The following RASGRP1 variants were observed in gnomAD, a reference collection of about 807,000 sequenced individuals.
The protein encoded by RASGRP1 is RAS guanyl-releasing protein 1.
RASGRP1 carries 37 observed loss-of-function variants against 95.1 expected under a neutral mutation model. The ratio of observed to expected loss-of-function variants is 0.39; its 90% CI spans 0.30 to 0.51. The LOEUF is 0.51. Among genes scored for constraint, RASGRP1 ranks in the 20% least tolerant of loss-of-function variants. The pLI, the probability that RASGRP1 is intolerant of heterozygous loss-of-function variation, is 0.80. For missense variants in RASGRP1, 711 were observed against 965.4 expected (o/e 0.74, Z 3.49); for synonymous variants, 325 against 353.4 (o/e 0.92, Z 0.90).
At chr15:38,554,238 T>A (rs1893457113) in intron 2 of RASGRP1, among the ~76,000 whole-genome samples, 1 of 152,146 alleles carries the variant, frequency 6.6e-6, no homozygotes. Flanking sequence ...TTTCCACAGG[T>A]CATTTAACTT....
intron 2 of RASGRP1, among the ~76,000 whole-genome samples, chr15:38,555,143 C>A (rs540225409): frequency 3.2e-4 from 48 of 152,328 alleles, no homozygotes; most frequent in African/African-American, 1.1e-3. Context: ...TTGCGGCTCC[C>A]ATTTTGAAAA....
chr15:38,509,506 C>T (rs1392858166), intron 8 of RASGRP1, among the ~76,000 whole-genome samples: 1 of 152,124 alleles, frequency 6.6e-6, no homozygotes, highest in East Asian at 1.9e-4. Context: ...GTGGACGGAT[C>T]ACCTGAGGTC....
chr15:38,539,678 G>A (rs1467570544), intron 2 of RASGRP1, among the ~76,000 whole-genome samples: 6 of 151,262 alleles, frequency 4.0e-5, no homozygotes, highest in South Asian at 4.2e-4. Context: ...CCACTAACTC[G>A]TCATCTAGCA....
At chr15:38,516,374 G>A (rs532071212) in intron 5 of RASGRP1, 24 bp from the exon 6 acceptor site, 1 of 1,598,862 alleles carries the variant, frequency 6.3e-7, no homozygotes, top group South Asian at 1.1e-5. Flanking sequence ...ATGTGAAAGG[G>A]AGAAGACAGG....
Position 38,523,520 on chromosome 15 carries a change from GAAGA to G in RASGRP1, c.326+2775_326+2778del, listed in dbSNP as rs541646722. Among the ~76,000 whole-genome samples, 298 of 152,136 alleles carry G rather than the reference GAAGA, an allele frequency of 2.0e-3. 1 individual carries two copies. Among genetic ancestry groups the G allele is most frequent in the African/African-American group, 6.2e-3 (259 of 41,510 alleles). ...AGTCACAGTAAGCTAAATTATTATT[GAAGA>G]AAGAAAAATATTTTTTATCAATTTA... On this transcript the variant is annotated intron_variant, in intron 3 of 16. Transcript: ENST00000310803.
rs780975470 is a variant in RASGRP1 at position 38,499,055 on chromosome 15, T to G, written c.1721-109A>C. 2.1e-6 allele frequency: 3 copies of G among 1,428,708 alleles called. No homozygotes were observed. The Admixed American group carries it at 5.0e-5, about 24-fold the overall frequency. The allele number at this position is 1,428,708 out of a possible 1,614,324, so 88.5% of individuals were successfully genotyped here. On this transcript the variant is annotated intron_variant, in intron 14 of 16. Transcript: ENST00000310803. ...TTTCTTGTCACACATGTCTGTTCTA[T>G]CTTCTGGAGCTAAGACACTTAACAT... is the stretch of plus-strand genomic sequence containing the variant.
At chr15:38,542,882 T>TATATGTGTATATATAC (rs1892948767) in intron 2 of RASGRP1, among the ~76,000 whole-genome samples, 1 of 134,622 alleles carries the variant, frequency 7.4e-6, no homozygotes, top group African/African-American at 3.1e-5. Flanking sequence ...TGTATATATA[T>TATATGTGTATATATAC]ACACATATAT....
rs1890714526 is a variant in RASGRP1 at position 38,494,374 on chromosome 15, G to A, written c.2259+8C>T. 6.2e-7 allele frequency: 1 copy of A among 1,613,450 alleles called. No individual in the cohort carries two copies. The highest frequency in any genetic ancestry group is 1.3e-5 in the African/African-American group (1 of 74,920). On this transcript the variant is annotated splice_region_variant and intron_variant, in intron 16 of 16. Coordinates refer to ENST00000310803, the MANE Select transcript of RASGRP1 (RefSeq NM_005739.4). Reference sequence around the variant, plus strand: ...GTCTGAAAAAAAGGAAAATGAAAAGGAAGGTACCTGTTCCAGTTCTTGGTA... The same window carrying A: ...GTCTGAAAAAAAGGAAAATGAAAAGAAAGGTACCTGTTCCAGTTCTTGGTA...
chr15:38,532,905 G>T (rs1456486730), intron 2 of RASGRP1, among the ~76,000 whole-genome samples: 2 of 152,132 alleles, frequency 1.3e-5, no homozygotes, highest in African/African-American at 4.8e-5. Flanking sequence ...AGAGAAAACT[G>T]GCAAAGGGTG....
chr15:38,549,375 C>CT (rs1893238794), intron 2 of RASGRP1, among the ~76,000 whole-genome samples: 1 of 152,220 alleles, frequency 6.6e-6, no homozygotes, highest in Non-Finnish European at 1.5e-5. Context: ...GCAAGATAGA[C>CT]TCATAGATGA....
chr15:38,518,273 T>A lies in RASGRP1; in HGVS notation c.521+19A>T. Reference sequence around the variant, plus strand: ...GAGGGAGGTGGTTTCGAAAGATGAGTCAAGACCTTGACACTCACATTTGAG... The same window carrying A: ...GAGGGAGGTGGTTTCGAAAGATGAGACAAGACCTTGACACTCACATTTGAG... On this transcript the variant is annotated intron_variant, in intron 5 of 16. Transcript: ENST00000310803. The A allele has an allele frequency of 6.2e-7, 1 of 1,606,536 alleles. No homozygotes were observed. The highest frequency in any genetic ancestry group is 8.5e-7 in the Non-Finnish European group (1 of 1,176,490).
chr15:38,507,879 G>A lies in RASGRP1; in HGVS notation c.1089C>T (p.Ile363=). 6.2e-7 allele frequency: 1 copy of A among 1,613,748 alleles called. No individual in the cohort carries two copies. Among genetic ancestry groups the A allele is most frequent in the Non-Finnish European group, 8.5e-7 (1 of 1,179,820 alleles). Residue 363 remains isoleucine (I), a synonymous_variant, in exon 9 of 17, where the codon ATC becomes ATT. Coordinates refer to ENST00000310803, the MANE Select transcript of RASGRP1 (RefSeq NM_005739.4). ...AGTCAGGCATGGCTTCATACAGGGAGATGAGGTCCTTGAGATGCACACCCA... is the reference window on the plus strand; with the variant it reads ...AGTCAGGCATGGCTTCATACAGGGAAATGAGGTCCTTGAGATGCACACCCA... ...PILGVHLKDL[I]SLYEAMPDYL...
chr15:38,491,219 T>G (rs1339327698), intron 16 of RASGRP1, among the ~76,000 whole-genome samples: 1 of 152,256 alleles, frequency 6.6e-6, no homozygotes, highest in Non-Finnish European at 1.5e-5. Flanking sequence ...TGATTTCCAG[T>G]CTTCTGATTT....
chr15:38,530,493 T>C (rs1322295138), intron 2 of RASGRP1, among the ~76,000 whole-genome samples: 1 of 152,208 alleles, frequency 6.6e-6, no homozygotes, highest in Non-Finnish European at 1.5e-5. Flanking sequence ...ATGCAGCATT[T>C]GACAATACAG....
rs769778415 is a variant in RASGRP1 at position 38,501,403 on chromosome 15, G to GTA, written c.1539-118_1539-117dup. The GTA allele has an allele frequency of 4.9e-6, 6 of 1,214,304 alleles. No homozygotes were observed. In the African/African-American group the frequency reaches 8.9e-5, roughly 18 times the overall value. The allele number at this position is 1,214,304 out of a possible 1,614,324, so 75.2% of individuals were successfully genotyped here. A position where few individuals can be genotyped will look rare whatever the true frequency, so the allele number is the denominator to read the frequency against. Reference sequence around the variant, plus strand: ...TCTTTTTATCCTCAGTGGTAATATGGTATGTGCTACCTCATGATTACTTCC... The same window carrying GTA: ...TCTTTTTATCCTCAGTGGTAATATGGTATATGTGCTACCTCATGATTACTTCC... On this transcript the variant is annotated intron_variant, in intron 12 of 16. Transcript: ENST00000310803.
Position 38,501,295 on chromosome 15 carries a change from C to G in RASGRP1, c.1539-8G>C. 1 of 1,613,012 alleles carries G rather than the reference C, an allele frequency of 6.2e-7. No homozygotes were observed. The highest frequency in any genetic ancestry group is 8.5e-7 in the Non-Finnish European group (1 of 1,179,234). On this transcript the variant is annotated splice_polypyrimidine_tract_variant and splice_region_variant and intron_variant, in intron 12 of 16. Coordinates refer to ENST00000310803, the MANE Select transcript of RASGRP1 (RefSeq NM_005739.4). ...CTGCTGATGAGGCCTTCCCTGCCGGCAGATGACCAAGGCAAGGATGTGAGT... is the reference window on the plus strand; with the variant it reads ...CTGCTGATGAGGCCTTCCCTGCCGGGAGATGACCAAGGCAAGGATGTGAGT...
rs371177219 is a variant in RASGRP1 at position 38,516,399 on chromosome 15, C to A, written c.522-49G>T. On this transcript the variant is annotated intron_variant, in intron 5 of 16. Coordinates refer to ENST00000310803, the MANE Select transcript of RASGRP1 (RefSeq NM_005739.4). The stretch of plus-strand genomic sequence containing the variant: ...GAGAAGACAGGGAAAAGGAATAAAT[C>A]GCTTTTTGCAAGTAAATCCATTAAC... The A allele has an allele frequency of 3.8e-5, 59 of 1,558,218 alleles. No homozygotes were observed. In the African/African-American group the frequency reaches 7.1e-4, roughly 19 times the overall value.
At chr15:38,533,603 T>G (rs756076560) in intron 2 of RASGRP1, among the ~76,000 whole-genome samples, 13 of 152,144 alleles carry the variant, frequency 8.5e-5, no homozygotes, top group Admixed American at 8.5e-4. Context: ...GATACAAACT[T>G]TGAACTTGTA....
chr15:38,502,280 A>C (rs1311264686), intron 12 of RASGRP1, 32 bp downstream of exon 12: 2 of 1,474,484 alleles, frequency 1.4e-6, no homozygotes, highest in South Asian at 1.2e-5. Flanking sequence ...CAATGGGCTC[A>C]TAACCACATA....
Sources: allele counts gnomAD v4.1 joint callset (sites outside exome capture counted in the v4.1 genomes callset), GRCh38; gene constraint gnomAD v4.1.1; transcripts MANE v1.5; gene names NCBI Gene and HGNC (gene_info 2026-07-23, HGNC 2026-07-21).